The following ZNF680 variants were observed in gnomAD, a reference collection of about 807,000 sequenced individuals.
ZNF680 encodes hypothetical protein FLJ90430.
A neutral mutation model predicts 12.1 loss-of-function variants in ZNF680; 6 were observed. The ratio of observed to expected loss-of-function variants is 0.49; its 90% CI spans 0.27 to 0.98. The LOEUF (loss-of-function observed/expected upper bound fraction) is 0.98. Among genes scored for constraint, ZNF680 ranks in the 50% least tolerant of loss-of-function variants. The pLI is 0.12. For missense variants in ZNF680, 561 were observed against 616.3 expected (o/e 0.91, Z 0.95); for synonymous variants, 170 against 199.3 (o/e 0.85, Z 1.24).
chr7:64,551,915 T>A (rs1248441804), intron 1 of ZNF680: 1 of 152,206 alleles, frequency 6.6e-6, no homozygotes, highest in Non-Finnish European at 1.5e-5. Context: ...ACACAGCTAC[T>A]CTCAGCATGA....
In ZNF680 at chr7:64,532,380, T is replaced by C. The variant is rs967939468; in HGVS notation, c.254-9880A>G. Among the ~76,000 whole-genome samples, 3 of 151,708 alleles carry C rather than the reference T, an allele frequency of 2.0e-5. No homozygotes were observed. In the East Asian group the frequency reaches 5.8e-4, roughly 29 times the overall value. On this transcript the variant is annotated intron_variant, in intron 3 of 3. Transcript: ENST00000309683. ...ACAAAATGGGAGATATTACAACTGA[T>C]ACCACATTAATACAAAAGATCATTC...
chr7:64,500,685 CTG>C, the ZNF680 span: 1 of 232,308 alleles, frequency 4.3e-6, no homozygotes, highest in Non-Finnish European at 8.8e-6. Context: ...GAGACGAAGA[CTG>C]AGCGGTTGTG....
intron 3 of ZNF680, among the ~76,000 whole-genome samples, chr7:64,536,963 G>A (rs6976217): frequency 0.23 from 34,232 of 151,902 alleles, 4,051 homozygotes; most frequent in South Asian, 0.28. Context: ...TCAGCTACAC[G>A]GGGAGCTGAG....
the ZNF680 span, among the ~76,000 whole-genome samples, chr7:64,508,140 T>C: frequency 5.9e-4 from 79 of 134,784 alleles, no homozygotes; most frequent in Middle Eastern, 3.8e-3. Flanking sequence ...TATATATATA[T>C]ATACATAATT....
intron 1 of ZNF680, among the ~76,000 whole-genome samples, chr7:64,546,590 A>G (rs1181222936): frequency 6.6e-6 from 1 of 152,134 alleles, no homozygotes; most frequent in Non-Finnish European, 1.5e-5. Flanking sequence ...AAAATACAAA[A>G]AAATTAGCCA....
chr7:64,508,140 T>TATATATATATATATATATATATATATAC, the ZNF680 span, among the ~76,000 whole-genome samples: 2 of 134,826 alleles, frequency 1.5e-5, no homozygotes, highest in Non-Finnish European at 3.1e-5. Context: ...TATATATATA[T>TATATATATATATATATATATATATATAC]ATACATAATT....
Position 64,522,124 on chromosome 7 carries a change from G to A in ZNF680, c.630C>T (p.Tyr210=). ...GAACTTTGCCACATTCCTCACATTT[G>A]TAAGAATTCTCTCTAGTGTGAATTC... is the stretch of plus-strand genomic sequence containing the variant. ...HIRIHTRENS[Y]KCEECGKVLN... The change falls in exon 4 of 4, where the codon TAC becomes TAT. Residue 210 remains tyrosine, a synonymous_variant. Transcript: ENST00000309683. 1 of 1,611,318 alleles carries A rather than the reference G, an allele frequency of 6.2e-7. No individual in the cohort carries two copies. The highest frequency in any genetic ancestry group is 1.3e-5 in the African/African-American group (1 of 74,894).
chr7:64,520,597 C>T lies in ZNF680; in HGVS notation c.*564G>A, dbSNP rs1791477099. The T allele has an allele frequency of 6.6e-6, 1 of 151,738 alleles. No individual in the cohort carries two copies. The highest frequency in any genetic ancestry group is 6.6e-5 in the Admixed American group (1 of 15,224). The allele number at this position is 151,738 out of a possible 1,614,324, so 9.4% of individuals were successfully genotyped here. A position where few individuals can be genotyped will look rare whatever the true frequency, so the allele number is the denominator to read the frequency against. ...TCAATATAAATTCATGTTTTCTACG[C>T]CGTAGTTTTTGAAAAAAAATGTTTT... On this transcript the variant is annotated 3_prime_UTR_variant, in exon 4 of 4. Coordinates refer to ENST00000309683, the MANE Select transcript of ZNF680 (RefSeq NM_178558.5).
chr7:64,543,706 C>T lies in ZNF680; in HGVS notation c.253+1G>A. ...TTGTATTCACTATCACTCTCACCTACCTGGGGGTTTGGCTACCATCTCCTG... is the reference window on the plus strand; with the variant it reads ...TTGTATTCACTATCACTCTCACCTATCTGGGGGTTTGGCTACCATCTCCTG... On this transcript the variant is annotated splice_donor_variant, in intron 3 of 3. Coordinates refer to ENST00000309683, the MANE Select transcript of ZNF680 (RefSeq NM_178558.5). LOFTEE classifies it high-confidence loss of function. The T allele has an allele frequency of 6.2e-7, 1 of 1,612,638 alleles. No individual in the cohort carries two copies. Among genetic ancestry groups the T allele is most frequent in the Non-Finnish European group, 8.5e-7 (1 of 1,179,114 alleles).
chr7:64,510,921 AT>A, the ZNF680 span, among the ~76,000 whole-genome samples: 340 of 52,892 alleles, frequency 6.4e-3, 52 homozygotes, highest in African/African-American at 0.038. Flanking sequence ...AAAAAAAAAA[AT>A]AAAAAATAAA....
chr7:64,526,297 C>T, intron 3 of ZNF680: 1 of 1,163,844 alleles, frequency 8.6e-7, no homozygotes, highest in Non-Finnish European at 1.1e-6. Flanking sequence ...ATACTTGATT[C>T]AAGATTAGTG....
intron 1 of ZNF680, among the ~76,000 whole-genome samples, chr7:64,554,894 G>C (rs1484783421): frequency 6.6e-6 from 1 of 151,930 alleles, no homozygotes; most frequent in African/African-American, 2.4e-5. Context: ...AGAGACCTTT[G>C]TTCACATGTT....
the ZNF680 span, among the ~76,000 whole-genome samples, chr7:64,508,492 A>G: frequency 6.6e-6 from 1 of 152,198 alleles, no homozygotes; most frequent in Non-Finnish European, 1.5e-5. Context: ...AGAATAAAAA[A>G]TGAGAGCTAA....
At chr7:64,534,319 AAAAC>A (rs1212541928) in intron 3 of ZNF680, among the ~76,000 whole-genome samples, 1 of 152,344 alleles carries the variant, frequency 6.6e-6, no homozygotes, top group African/African-American at 2.4e-5. Context: ...CAGCAAGAAA[AAAAC>A]AAACAATCCC....
At chr7:64,537,250 G>A (rs1786216245) in intron 3 of ZNF680, among the ~76,000 whole-genome samples, 1 of 152,118 alleles carries the variant, frequency 6.6e-6, no homozygotes, top group African/African-American at 2.4e-5. Flanking sequence ...ACTTCAGGAG[G>A]CCAAGGCAGA....
At position 64,526,003 on chromosome 7, in the gene ZNF680, T is replaced by A. The variant is rs928781956; in HGVS notation, c.254-3503A>T. 4 of 984,736 alleles carry A rather than the reference T, an allele frequency of 4.1e-6. No individual in the cohort carries two copies. In the African/African-American group the frequency reaches 5.2e-5, roughly 13 times the overall value. The allele number at this position is 984,736 out of a possible 1,614,324, so 61.0% of individuals were successfully genotyped here. On this transcript the variant is annotated intron_variant, in intron 3 of 3. Coordinates refer to ENST00000309683, the MANE Select transcript of ZNF680 (RefSeq NM_178558.5). ...CCACACTGTCTTAAATTTTACAGAG[T>A]TAAATACTGGCATACTCAATTATAA...
chr7:64,500,462 A>G, the ZNF680 span, among the ~76,000 whole-genome samples: 16 of 152,148 alleles, frequency 1.1e-4, no homozygotes, highest in East Asian at 1.9e-4. Context: ...CCCTATGGGG[A>G]AAAAAAAGGA....
intron 3 of ZNF680, among the ~76,000 whole-genome samples, chr7:64,531,765 T>C (rs946648502): frequency 2.0e-5 from 3 of 152,070 alleles, no homozygotes; most frequent in African/African-American, 7.2e-5. Context: ...ACCCAACCTA[T>C]GAAAACCTCT....
the ZNF680 span, among the ~76,000 whole-genome samples, chr7:64,499,258 A>C: frequency 5.3e-5 from 8 of 152,330 alleles, no homozygotes; most frequent in Middle Eastern, 0.01. Context: ...TACAGCTACC[A>C]TGTATGAATT....
Sources: gnomAD v4.1 joint callset for allele counts (sites outside exome capture counted in the v4.1 genomes callset) on GRCh38, gnomAD v4.1.1 for gene constraint, MANE v1.5 for transcripts, NCBI Gene and HGNC (gene_info 2026-07-23, HGNC 2026-07-21) for gene names.